ANKRD29: variants seen among roughly 807,000 people sequenced by gnomAD.
ANKRD29 encodes the protein ankyrin repeat domain 29.
In ANKRD29, 32 loss-of-function variants were observed where a neutral mutation model predicts 38.0. The observed-to-expected ratio is 0.84, with a 90% CI of 0.64 to 1.13. ANKRD29 has a LOEUF of 1.13. Among genes scored for constraint, ANKRD29 ranks in the 50% most tolerant of loss-of-function variants. The probability of loss-of-function intolerance (pLI) is 0.00; values close to 1 mark genes in which losing one functional copy is unlikely to be tolerated. For synonymous variants in ANKRD29, 135 were observed against 152.4 expected (o/e 0.89, Z 0.84); for missense variants, 357 against 377.9 (o/e 0.94, Z 0.46).
chr18:23,629,105 C>A (rs1156889362), intron 6 of ANKRD29, among the ~76,000 whole-genome samples: 1 of 152,278 alleles, frequency 6.6e-6, no homozygotes, highest in Non-Finnish European at 1.5e-5. Context: ...CTGCCTCAGC[C>A]TCCCAAGTAG....
intron 6 of ANKRD29, chr18:23,619,841 A>T: frequency 2.1e-6 from 1 of 474,232 alleles, no homozygotes; most frequent in Admixed American, 4.0e-5. Context: ...CACGTGGCTG[A>T]GCCTGGGCTA....
intron 9 of ANKRD29, among the ~76,000 whole-genome samples, chr18:23,609,486 G>A (rs1480419390): frequency 1.3e-5 from 2 of 152,194 alleles, no homozygotes; most frequent in East Asian, 3.8e-4. Flanking sequence ...GGCTCTGCGT[G>A]AATTACTCTT....
chr18:23,637,924 C>T (rs527764548), intron 4 of ANKRD29, among the ~76,000 whole-genome samples: 2 of 151,286 alleles, frequency 1.3e-5, no homozygotes, highest in South Asian at 4.2e-4. Context: ...ATCATACTGT[C>T]AACATGAAAT....
At chr18:23,626,801 G>A (rs2059867665) in intron 6 of ANKRD29, among the ~76,000 whole-genome samples, 1 of 152,216 alleles carries the variant, frequency 6.6e-6, no homozygotes, top group South Asian at 2.1e-4. Context: ...TGTCAGCTGA[G>A]TAATTTCAAT....
rs750342039 is a variant in ANKRD29 at position 23,619,547 on chromosome 18, C to T, written c.611G>A (p.Arg204His). 4.0e-5 allele frequency: 64 copies of T among 1,593,718 alleles called. No homozygotes were observed. Among genetic ancestry groups the T allele is most frequent in the South Asian group, 5.5e-5 (5 of 90,386 alleles). The change falls in exon 7 of 10, where the codon CGC becomes CAC. Residue 204 changes from arginine to histidine, a missense_variant. By Grantham distance (29) the Arg-to-His change is conservative (BLOSUM62 0). Coordinates refer to ENST00000592179, the MANE Select transcript of ANKRD29 (RefSeq NM_173505.4). Reference sequence around the variant, plus strand: ...GGCACTCACGTTCCGCGCAGCGTCGCGGTCGGCTCCGCGCAGCAGCATCAC... The same window carrying T: ...GGCACTCACGTTCCGCGCAGCGTCGTGGTCGGCTCCGCGCAGCAGCATCAC... Reference protein sequence around the residue: ...VRVMLLRGADRDAARNDGTTA... With the variant: ...VRVMLLRGADHDAARNDGTTA...
rs141357835 is a variant in ANKRD29, at chr18:23,598,991, T to A, written c.*2235A>T. The A allele has an allele frequency of 3.9e-3, 587 of 152,350 alleles. 7 individuals carry two copies. The highest frequency in any genetic ancestry group is 0.013 in the African/African-American group (560 of 41,588). 9.4% of individuals were successfully genotyped at this position (152,350 alleles called of 1,614,324 possible). A position where few individuals can be genotyped will look rare whatever the true frequency, so the allele number is the denominator to read the frequency against. On this transcript the variant is annotated 3_prime_UTR_variant, in exon 10 of 10. Transcript: ENST00000592179. ...ATGGAATATGTCATCAAAGAATGAA[T>A]TAATGAAAAACGTTTGTAGTTCAGT...
chr18:23,608,986 C>T (rs554549396), intron 9 of ANKRD29, among the ~76,000 whole-genome samples: 3 of 152,090 alleles, frequency 2.0e-5, no homozygotes, highest in South Asian at 2.1e-4. Context: ...CCCAGCTACT[C>T]GGAAGGCTGA....
At chr18:23,607,937 T>C (rs2059593530) in intron 9 of ANKRD29, among the ~76,000 whole-genome samples, 1 of 152,226 alleles carries the variant, frequency 6.6e-6, no homozygotes, top group Non-Finnish European at 1.5e-5. Flanking sequence ...GAGGAATGGC[T>C]GTTGGGGCCA....
chr18:23,655,673 T>C (rs1475415683), intron 1 of ANKRD29, among the ~76,000 whole-genome samples: 1 of 151,764 alleles, frequency 6.6e-6, no homozygotes, highest in African/African-American at 2.4e-5. Flanking sequence ...CAGAATGGTC[T>C]TGAACTCCTG....
rs191836776 is a variant in ANKRD29 at position 23,614,916 on chromosome 18, A to G, written c.724-2726T>C. 2.3e-3 allele frequency among the ~76,000 whole-genome samples: 358 copies of G among 152,342 alleles called. 3 individuals carry two copies. The highest frequency in any genetic ancestry group is 4.1e-3 in the Non-Finnish European group (281 of 68,026). The stretch of plus-strand genomic sequence containing the variant: ...TAAAGCTAAGCCGCTGTGTCCATTT[A>G]GAACAGATTTGGTGTCCTGTATGTA... On this transcript the variant is annotated intron_variant, in intron 8 of 9. Transcript: ENST00000592179.
At chr18:23,636,945 G>A (rs1405148046) in intron 4 of ANKRD29, among the ~76,000 whole-genome samples, 2 of 152,160 alleles carry the variant, frequency 1.3e-5, no homozygotes, top group African/African-American at 4.8e-5. Context: ...AAGTTTTGAT[G>A]ACAGAATCAT....
intron 3 of ANKRD29, among the ~76,000 whole-genome samples, chr18:23,640,284 T>C (rs1439637534): frequency 1.3e-5 from 2 of 152,140 alleles, no homozygotes; most frequent in African/African-American, 4.8e-5. Context: ...AGCCCACACC[T>C]TGATTTTGGA....
rs998284505 is a variant in ANKRD29 at position 23,599,546 on chromosome 18, T to G, written c.*1680A>C. 1.3e-5 allele frequency: 2 copies of G among 152,246 alleles called. No homozygotes were observed. Among genetic ancestry groups the G allele is most frequent in the Non-Finnish European group, 2.9e-5 (2 of 68,038 alleles). 9.4% of individuals were successfully genotyped at this position (152,246 alleles called of 1,614,324 possible). On this transcript the variant is annotated 3_prime_UTR_variant, in exon 10 of 10. Coordinates refer to ENST00000592179, the MANE Select transcript of ANKRD29 (RefSeq NM_173505.4). The stretch of plus-strand genomic sequence containing the variant: ...TTTTCCTCTTCAAAATGAATATAGC[T>G]TTTTGAAATTCGCACAGGAGAAAAT...
At chr18:23,602,530 T>G (rs1161359549) in intron 9 of ANKRD29, among the ~76,000 whole-genome samples, 1 of 152,190 alleles carries the variant, frequency 6.6e-6, no homozygotes, top group South Asian at 2.1e-4. Flanking sequence ...ACAGGTGTGA[T>G]GTGGAAGTGG....
chr18:23,648,726 G>A (rs957906608), intron 2 of ANKRD29: 8 of 400,830 alleles, frequency 2.0e-5, no homozygotes, highest in Non-Finnish European at 2.6e-5. Flanking sequence ...CACATCCATG[G>A]CAGCCCACTT....
chr18:23,616,856 A>G (rs1334577388), intron 8 of ANKRD29, among the ~76,000 whole-genome samples: 2 of 150,456 alleles, frequency 1.3e-5, no homozygotes, highest in Admixed American at 6.7e-5. Context: ...AATATTTATT[A>G]AGACTTTACA....
At chr18:23,660,024 T>C (rs1240887331) in intron 1 of ANKRD29, among the ~76,000 whole-genome samples, 1 of 152,006 alleles carries the variant, frequency 6.6e-6, no homozygotes, top group Non-Finnish European at 1.5e-5. Context: ...GGCAGGAGAA[T>C]TGCTTGAGCC....
chr18:23,656,294 T>A (rs565484514), intron 1 of ANKRD29, among the ~76,000 whole-genome samples: 8 of 152,078 alleles, frequency 5.3e-5, no homozygotes, highest in African/African-American at 1.9e-4. Flanking sequence ...CAGCCCTACA[T>A]ACATTGATTC....
intron 6 of ANKRD29, among the ~76,000 whole-genome samples, chr18:23,629,240 C>T (rs900236116): frequency 1.3e-5 from 2 of 152,280 alleles, no homozygotes; most frequent in Admixed American, 6.5e-5. Context: ...CTGCCTCGGC[C>T]TCCCAGGGTG....
Sources: allele counts gnomAD v4.1 joint callset (sites outside exome capture counted in the v4.1 genomes callset), GRCh38; gene constraint gnomAD v4.1.1; transcripts MANE v1.5; gene names NCBI Gene and HGNC (gene_info 2026-07-23, HGNC 2026-07-21).